ZNF558: variants seen among roughly 807,000 people sequenced by gnomAD.
ZNF558 encodes the protein zinc finger protein 558.
ZNF558 carries 23 observed loss-of-function variants against 37.6 expected under a neutral mutation model. That is an observed-to-expected ratio of 0.61 (90% CI 0.44 to 0.87). ZNF558 has a LOEUF of 0.87. Among genes scored for constraint, ZNF558 ranks in the 40% least tolerant of loss-of-function variants. The pLI, the probability that ZNF558 is intolerant of heterozygous loss-of-function variation, is 0.00. For synonymous variants in ZNF558, 189 were observed against 174.4 expected (o/e 1.08, Z -0.66); for missense variants, 429 against 483.7 (o/e 0.89, Z 1.06).
chr19:8,813,234 A>C lies in ZNF558; in HGVS notation c.248-12T>G. 1 of 1,569,098 alleles carries C rather than the reference A, an allele frequency of 6.4e-7. No homozygotes were observed. The highest frequency in any genetic ancestry group is 8.7e-7 in the Non-Finnish European group (1 of 1,153,498). ...ATTAACACGACACCCTATTTATGGA[A>C]ACAATACACATGATATAGGTAACAG... On this transcript the variant is annotated splice_polypyrimidine_tract_variant and intron_variant, in intron 7 of 9. Coordinates refer to ENST00000601372, the MANE Select transcript of ZNF558 (RefSeq NM_144693.3).
Position 8,822,788 on chromosome 19 carries a change from G to GTTGAGGAGGGCCCAT in ZNF558, c.-65-65_-65-64insATGGGCCCTCCTCAA. 6.9e-7 allele frequency: 1 copy of GTTGAGGAGGGCCCAT among 1,442,796 alleles called. No homozygotes were observed. The highest frequency in any genetic ancestry group is 9.6e-7 in the Non-Finnish European group (1 of 1,041,628). The allele number at this position is 1,442,796 out of a possible 1,614,324, so 89.4% of individuals were successfully genotyped here. ...CTCCCTCTCGGGCTGCTGGGGATGG[G>GTTGAGGAGGGCCCAT]CCCTCCTCAACCCATCCTTCCCATC... is the stretch of plus-strand genomic sequence containing the variant. On this transcript the variant is annotated intron_variant, in intron 4 of 9. Coordinates refer to ENST00000601372, the MANE Select transcript of ZNF558 (RefSeq NM_144693.3). This position sits in a 1 kb window ranked among gnomAD's most constrained non-coding sequence, Gnocchi z 4.4.
At chr19:8,823,841 T>C (rs2044166956) in intron 4 of ZNF558, 1 of 152,210 alleles carries the variant, frequency 6.6e-6, no homozygotes, top group South Asian at 2.1e-4. Context: ...GTGCAAAGGC[T>C]GTGACGTTGC....
rs1408722068 is a variant in ZNF558 at position 8,828,964 on chromosome 19, T to C, written c.-509+2354A>G. Among the ~76,000 whole-genome samples the C allele has an allele frequency of 2.5e-4, 34 of 135,438 alleles. No homozygotes were observed. The Admixed American group carries it at 2.5e-3, about 10-fold the overall frequency. 88.9% of individuals were successfully genotyped at this position (135,438 alleles called of 152,430 possible). ...GGTGACCAAGTGAGATTCTGTCTCA[T>C]TAAAAAAAAAAAAAAGGCCGGGTGT... On this transcript the variant is annotated intron_variant, in intron 2 of 9. Transcript: ENST00000601372.
intron 2 of ZNF558, among the ~76,000 whole-genome samples, chr19:8,830,096 T>C (rs999692998): frequency 6.6e-6 from 1 of 152,192 alleles, no homozygotes; most frequent in African/African-American, 2.4e-5. Flanking sequence ...GCTGTTCTCC[T>C]GATAGTAAGT....
In ZNF558 at chr19:8,822,627, A is replaced by G. The variant is rs775313050; in HGVS notation, c.31+2T>C. 3 of 1,614,010 alleles carry G rather than the reference A, an allele frequency of 1.9e-6. No homozygotes were observed. Among genetic ancestry groups the G allele is most frequent in the Non-Finnish European group, 2.5e-6 (3 of 1,179,958 alleles). On this transcript the variant is annotated splice_donor_variant, in intron 5 of 9. Coordinates refer to ENST00000601372, the MANE Select transcript of ZNF558 (RefSeq NM_144693.3). LOFTEE classifies it high-confidence loss of function. The surrounding 1 kb of genome is among the most constrained non-coding windows in gnomAD (Gnocchi z 4.4). Reference sequence around the variant, plus strand: ...GAGAAATGTCAGGACCCCACGACTCACCAGCAGTCGAGGGCAGGATGACAG... The same window carrying G: ...GAGAAATGTCAGGACCCCACGACTCGCCAGCAGTCGAGGGCAGGATGACAG...
chr19:8,821,292 G>A lies in ZNF558; in HGVS notation c.135C>T (p.Phe45=), dbSNP rs143685735. The A allele has an allele frequency of 2.4e-4, 387 of 1,614,130 alleles. No homozygotes were observed. In the African/African-American group the frequency reaches 3.6e-3, roughly 15 times the overall value. ...LTSWLRGLVT[F]EDVAVEFTQE... is the part of the protein sequence containing the mutation. ...GGGTGAACTCCACGGCCACATCCTC[G>A]AAGGTTACCAAGCCCTAAAGCATTG... The change falls in exon 7 of 10, where the codon TTC becomes TTT. Residue 45 remains phenylalanine, a synonymous_variant. Transcript: ENST00000601372.
intron 7 of ZNF558, among the ~76,000 whole-genome samples, chr19:8,820,438 C>T (rs2044054847): frequency 6.6e-6 from 1 of 152,154 alleles, no homozygotes; most frequent in East Asian, 1.9e-4. Flanking sequence ...ATCATTCAGT[C>T]ATAAGGAATG....
chr19:8,821,805 G>C lies in ZNF558; in HGVS notation c.120+198C>G. On this transcript the variant is annotated intron_variant, in intron 6 of 9. Coordinates refer to ENST00000601372, the MANE Select transcript of ZNF558 (RefSeq NM_144693.3). Reference sequence around the variant, plus strand: ...GCACATGATGTACTCAGGGACCCTGGAGGGAGCTCTGAACCTGCAGTAAAT... The same window carrying C: ...GCACATGATGTACTCAGGGACCCTGCAGGGAGCTCTGAACCTGCAGTAAAT... The C allele has an allele frequency of 4.3e-6, 6 of 1,411,536 alleles. No homozygotes were observed. The South Asian group carries it at 9.1e-5, about 21-fold the overall frequency. The allele number at this position is 1,411,536 out of a possible 1,614,324, so 87.4% of individuals were successfully genotyped here.
Position 8,817,625 on chromosome 19 carries a change from G to A in ZNF558, c.247+3555C>T, listed in dbSNP as rs972331506. ...TGGGACATAGCCCCATCAAAGTTGC[G>A]GAGCATGTGTACATACTGTCTATAA... is the stretch of plus-strand genomic sequence containing the variant. On this transcript the variant is annotated intron_variant, in intron 7 of 9. Transcript: ENST00000601372. 6.6e-5 allele frequency among the ~76,000 whole-genome samples: 10 copies of A among 151,852 alleles called. 1 individual carries two copies. The highest frequency in any genetic ancestry group is 6.3e-4 in the South Asian group (3 of 4,798).
chr19:8,812,789 T>C (rs1456704044), intron 8 of ZNF558, 146 bp from the exon 9 acceptor site: 1 of 558,210 alleles, frequency 1.8e-6, no homozygotes, highest in Non-Finnish European at 3.1e-6. Context: ...TAGGTATTAA[T>C]TTTAAAAAAG....
intron 7 of ZNF558, among the ~76,000 whole-genome samples, chr19:8,819,948 C>G (rs1042150159): frequency 1.3e-5 from 2 of 152,092 alleles, no homozygotes; most frequent in African/African-American, 4.8e-5. Flanking sequence ...TGTGTCAAAA[C>G]AAGCAAACAA....
At chr19:8,827,510 A>G (rs962909341) in intron 2 of ZNF558, among the ~76,000 whole-genome samples, 1 of 147,424 alleles carries the variant, frequency 6.8e-6, no homozygotes, top group Non-Finnish European at 1.5e-5. Flanking sequence ...GTCTGAAGTG[A>G]GGCCTAGTAT....
At position 8,812,543 on chromosome 19, in the gene ZNF558, C is replaced by A. The variant is rs1555768660; in HGVS notation, c.426+18G>T. 4.0e-6 allele frequency: 6 copies of A among 1,501,620 alleles called. No homozygotes were observed. Among genetic ancestry groups the A allele is most frequent in the South Asian group, 1.4e-5 (1 of 73,054 alleles). The allele number at this position is 1,501,620 out of a possible 1,614,324, so 93.0% of individuals were successfully genotyped here. On this transcript the variant is annotated intron_variant, in intron 9 of 9. Transcript: ENST00000601372. ...TCTCCTACTGTAGAAAACCAGAAAT[C>A]ACCCATGTTAGTCTTACCGTTTTTA...
rs539985066 is a variant in ZNF558, at chr19:8,830,905, A to C, written c.-509+413T>G. On this transcript the variant is annotated intron_variant, in intron 2 of 9. Transcript: ENST00000601372. ...GTGAGACTTGGTCTCAAGAAAAAAA[A>C]AAAAAGTCAAATCAAACAGGCCTGA... 6 of 152,328 alleles carry C rather than the reference A, an allele frequency of 3.9e-5. No homozygotes were observed. The East Asian group carries it at 1.2e-3, about 29-fold the overall frequency. 9.4% of individuals were successfully genotyped at this position (152,328 alleles called of 1,614,324 possible). A position where few individuals can be genotyped will look rare whatever the true frequency, so the allele number is the denominator to read the frequency against.
At chr19:8,830,334 T>C (rs1190087170) in intron 2 of ZNF558, among the ~76,000 whole-genome samples, 3 of 152,154 alleles carry the variant, frequency 2.0e-5, no homozygotes, top group African/African-American at 2.4e-5. Context: ...TAGTTCTTTA[T>C]AGCAGTGTGA....
chr19:8,808,749 TTCAA>T lies in ZNF558; in HGVS notation c.*2528_*2531del, dbSNP rs1276156721. The T allele has an allele frequency of 6.6e-6, 1 of 152,194 alleles. No homozygotes were observed. The highest frequency in any genetic ancestry group is 2.4e-5 in the African/African-American group (1 of 41,462). The allele number at this position is 152,194 out of a possible 1,614,324, so 9.4% of individuals were successfully genotyped here. ...AAAACAAACAACAGATCATGTTGGCTTCAATCAGTTAGGGGTTTCTTTTTTTAAA... is the reference window on the plus strand; with the variant it reads ...AAAACAAACAACAGATCATGTTGGCTTCAGTTAGGGGTTTCTTTTTTTAAA... On this transcript the variant is annotated 3_prime_UTR_variant, in exon 10 of 10. Transcript: ENST00000601372.
chr19:8,828,691 G>A (rs982268606), intron 2 of ZNF558, among the ~76,000 whole-genome samples: 5 of 152,164 alleles, frequency 3.3e-5, no homozygotes, highest in African/African-American at 7.2e-5. Flanking sequence ...GCCGGGCACG[G>A]TGGCTCATGT....
rs1249102827 is a variant in ZNF558 at position 8,810,521 on chromosome 19, G to A, written c.*760C>T. 6.6e-6 allele frequency: 1 copy of A among 152,200 alleles called. No individual in the cohort carries two copies. Among genetic ancestry groups the A allele is most frequent in the Non-Finnish European group, 1.5e-5 (1 of 68,046 alleles). 9.4% of individuals were successfully genotyped at this position (152,200 alleles called of 1,614,324 possible). On this transcript the variant is annotated 3_prime_UTR_variant, in exon 10 of 10. Coordinates refer to ENST00000601372, the MANE Select transcript of ZNF558 (RefSeq NM_144693.3). ...CATAATCTTCTGGGCCCATGAAGGT[G>A]AGAATTCGAGCTGAGAGCTTTACCA...
chr19:8,828,099 C>T (rs2044272634), intron 2 of ZNF558, among the ~76,000 whole-genome samples: 1 of 152,154 alleles, frequency 6.6e-6, no homozygotes, highest in South Asian at 2.1e-4. Context: ...GCCTGTGAAC[C>T]CCAAGTGGGA....
Sources: gnomAD v4.1 joint callset for allele counts (sites outside exome capture counted in the v4.1 genomes callset) on GRCh38, gnomAD v4.1.1 for gene constraint, Gnocchi (gnomAD v3.1) non-coding constraint, MANE v1.5 for transcripts, NCBI Gene and HGNC (gene_info 2026-07-23, HGNC 2026-07-21) for gene names.